The following SLC16A12 variants were observed in gnomAD, a reference collection of about 807,000 sequenced individuals.
SLC16A12 encodes monocarboxylate transporter 12.
In SLC16A12, 17 loss-of-function variants were observed where a neutral mutation model predicts 42.4. The observed-to-expected ratio is 0.40, with a 90% CI of 0.27 to 0.60. The LOEUF (loss-of-function observed/expected upper bound fraction) is 0.60. Ranked by LOEUF, SLC16A12 falls within the 20% of genes least tolerant of loss-of-function variation. SLC16A12 has a pLI of 0.42. For missense variants in SLC16A12, 544 were observed against 623.0 expected, an observed-to-expected ratio of 0.87 and a Z score of 1.35; for synonymous variants, 224 against 229.4, an observed-to-expected ratio of 0.98 and a Z score of 0.21.
intron 2 of SLC16A12, among the ~76,000 whole-genome samples, chr10:89,551,072 AT>A (rs1399023981): frequency 6.6e-6 from 1 of 152,182 alleles, no homozygotes; most frequent in Non-Finnish European, 1.5e-5. Flanking sequence ...AGAAAGGTCC[AT>A]TTTGGATGGA....
intron 2 of SLC16A12, among the ~76,000 whole-genome samples, chr10:89,488,985 A>G (rs1842806267): frequency 6.6e-6 from 1 of 152,224 alleles, no homozygotes; most frequent in African/African-American, 2.4e-5. Flanking sequence ...TGATGAAAGA[A>G]AAGGTGATCA....
chr10:89,545,439 G>A (rs1444029492), intron 2 of SLC16A12, among the ~76,000 whole-genome samples: 1 of 152,120 alleles, frequency 6.6e-6, no homozygotes, highest in Admixed American at 6.5e-5. Flanking sequence ...CAAGCAGAGA[G>A]TCAAATCATG....
intron 2 of SLC16A12, among the ~76,000 whole-genome samples, chr10:89,554,088 G>GAA (rs1843790462): frequency 1.0e-5 from 1 of 100,266 alleles, no homozygotes; most frequent in South Asian, 3.7e-4. Flanking sequence ...AAGAAAGAAA[G>GAA]AAAGAAAGAA....
intron 2 of SLC16A12, among the ~76,000 whole-genome samples, chr10:89,543,237 CT>C (rs896806572): frequency 5.3e-5 from 8 of 152,170 alleles, no homozygotes; most frequent in Non-Finnish European, 8.8e-5. Context: ...ATCTTTTTGA[CT>C]TTTTTTCTGT....
chr10:89,527,756 A>G (rs922933235), intron 2 of SLC16A12, among the ~76,000 whole-genome samples: 7 of 151,662 alleles, frequency 4.6e-5, no homozygotes, highest in Non-Finnish European at 1.0e-4. Context: ...ATGAACCATC[A>G]TTGCACCACT....
intron 2 of SLC16A12, among the ~76,000 whole-genome samples, chr10:89,478,367 TC>T (rs1349852369): frequency 6.6e-6 from 1 of 152,096 alleles, no homozygotes; most frequent in Non-Finnish European, 1.5e-5. Context: ...GTTTTCAGCC[TC>T]CCAGGTCAGA....
rs1554829318 is a variant in SLC16A12, at chr10:89,481,664, TGA to T, written c.-46-19042_-46-19041del. Among the ~76,000 whole-genome samples, 74 of 139,624 alleles carry T rather than the reference TGA, an allele frequency of 5.3e-4. No homozygotes were observed. The Middle Eastern group carries it at 0.022, about 41-fold the overall frequency. 91.6% of individuals were successfully genotyped at this position (139,624 alleles called of 152,430 possible). ...TTTCTTGTGTGTGTGTGTGTGTGTG[TGA>T]GAGAGAGAGAGAGTGTGTGTGTGTG... On this transcript the variant is annotated intron_variant, in intron 2 of 7. Transcript: ENST00000371790.
chr10:89,493,967 TG>T (rs1443494723), intron 2 of SLC16A12, among the ~76,000 whole-genome samples: 3 of 143,800 alleles, frequency 2.1e-5, no homozygotes, highest in African/African-American at 7.4e-5. Flanking sequence ...ATTGAAGGAT[TG>T]TGAGCCACAA....
chr10:89,456,160 CCT>C (rs1564574572), intron 3 of SLC16A12: 1 of 152,118 alleles, frequency 6.6e-6, no homozygotes. Context: ...AACCATGGGA[CCT>C]TGGACATGTT....
At chr10:89,528,450 G>A (rs752064784) in intron 2 of SLC16A12, among the ~76,000 whole-genome samples, 16 of 152,044 alleles carry the variant, frequency 1.1e-4, no homozygotes, top group Non-Finnish European at 2.4e-4. Flanking sequence ...TTAATTCATT[G>A]GTTGACAGTA....
intron 2 of SLC16A12, among the ~76,000 whole-genome samples, chr10:89,503,026 C>T (rs1843010570): frequency 6.6e-6 from 1 of 152,184 alleles, no homozygotes; most frequent in Non-Finnish European, 1.5e-5. Context: ...CTTGTCAAAA[C>T]AGACAAGCAC....
chr10:89,460,689 G>A (rs1458122569), intron 3 of SLC16A12, among the ~76,000 whole-genome samples: 1 of 147,120 alleles, frequency 6.8e-6, no homozygotes, highest in Non-Finnish European at 1.5e-5. Flanking sequence ...AGGTTACAGT[G>A]AGTGGAGATC....
rs1048335028 is a variant in SLC16A12, at chr10:89,463,832, A to G, written c.-46-1208T>C. On this transcript the variant is annotated intron_variant, in intron 2 of 7. Coordinates refer to ENST00000371790, the MANE Select transcript of SLC16A12 (RefSeq NM_213606.4). Reference sequence around the variant, plus strand: ...CGTTTTAGGGCACTAAGGATTCAGTAGTGGTCACAATACACAAAGCTCCCT... The same window carrying G: ...CGTTTTAGGGCACTAAGGATTCAGTGGTGGTCACAATACACAAAGCTCCCT... Among the ~76,000 whole-genome samples, 42 of 152,172 alleles carry G rather than the reference A, an allele frequency of 2.8e-4. 1 individual carries two copies. The highest frequency in any genetic ancestry group is 1.0e-3 in the African/African-American group (42 of 41,448).
intron 2 of SLC16A12, among the ~76,000 whole-genome samples, chr10:89,482,501 C>T (rs955700388): frequency 6.6e-6 from 1 of 152,104 alleles, no homozygotes; most frequent in Admixed American, 6.6e-5. Context: ...CTAATAGATG[C>T]CGGGTGTGAT....
At chr10:89,487,612 C>G (rs1021684376) in intron 2 of SLC16A12, among the ~76,000 whole-genome samples, 7 of 149,468 alleles carry the variant, frequency 4.7e-5, no homozygotes, top group African/African-American at 1.7e-4. Context: ...ACCAGCCTGG[C>G]CAACATGGAG....
At chr10:89,517,013 A>T (rs1006834324) in intron 2 of SLC16A12, among the ~76,000 whole-genome samples, 1 of 152,176 alleles carries the variant, frequency 6.6e-6, no homozygotes, top group Admixed American at 6.5e-5. Context: ...GTTTGAGGCC[A>T]GGAGTTTGAG....
chr10:89,437,670 C>A (rs1348334054), intron 6 of SLC16A12, among the ~76,000 whole-genome samples: 1 of 152,086 alleles, frequency 6.6e-6, no homozygotes, highest in Non-Finnish European at 1.5e-5. Context: ...TACTAAATAT[C>A]ATATTCATAA....
At chr10:89,544,239 C>T (rs980687501) in intron 2 of SLC16A12, among the ~76,000 whole-genome samples, 4 of 152,154 alleles carry the variant, frequency 2.6e-5, no homozygotes, top group African/African-American at 7.2e-5. Flanking sequence ...GTTCTCTGAC[C>T]GTCTAAGGCT....
intron 3 of SLC16A12, among the ~76,000 whole-genome samples, chr10:89,459,238 C>T (rs373014703): frequency 6.6e-6 from 1 of 151,988 alleles, no homozygotes; most frequent in Non-Finnish European, 1.5e-5. Context: ...GACTTCGCAT[C>T]GCTGATATGA....
Sources: gnomAD v4.1 joint callset for allele counts (sites outside exome capture counted in the v4.1 genomes callset) on GRCh38, gnomAD v4.1.1 for gene constraint, MANE v1.5 for transcripts, NCBI Gene and HGNC (gene_info 2026-07-23, HGNC 2026-07-21) for gene names.